The following SIN3B variants were observed in gnomAD, a reference collection of about 807,000 sequenced individuals.
SIN3B encodes the protein paired amphipathic helix protein Sin3b.
In SIN3B, 19 loss-of-function variants were observed where a neutral mutation model predicts 120.2. The observed-to-expected ratio is 0.16, with a 90% CI of 0.11 to 0.23. The LOEUF (loss-of-function observed/expected upper bound fraction) is 0.23, where lower values mean the gene tolerates loss of function less well. Among genes scored for constraint, SIN3B ranks in the 10% least tolerant of loss-of-function variants. SIN3B has a pLI of 1.00. For missense variants in SIN3B, 1,073 were observed against 1,573.0 expected (o/e 0.68, Z 5.38); for synonymous variants, 654 against 653.2 (o/e 1.00, Z -0.02).
chr19:16,873,176 C>G (rs2051534983), intron 14 of SIN3B, among the ~76,000 whole-genome samples: 1 of 152,112 alleles, frequency 6.6e-6, no homozygotes, highest in Non-Finnish European at 1.5e-5. Flanking sequence ...GGCTGGGGCC[C>G]TGTCCTTTCA....
Position 16,843,143 on chromosome 19 carries a change from G to A in SIN3B, c.582+1175G>A, listed in dbSNP as rs528990380. Among the ~76,000 whole-genome samples, 94 of 152,156 alleles carry A rather than the reference G, an allele frequency of 6.2e-4. 1 individual carries two copies. The highest frequency in any genetic ancestry group is 2.2e-3 in the African/African-American group (91 of 41,512). On this transcript the variant is annotated intron_variant, in intron 4 of 18. Coordinates refer to ENST00000248054, the MANE Select transcript of SIN3B (RefSeq NM_001297595.2). ...AACAGAATCTTGCGCTGTCACCCAG[G>A]CTGGAGTGCAGTGGCTCAATCTCAG...
Position 16,876,929 on chromosome 19 carries a change from A to C in SIN3B, c.2859+351A>C. ...GTGTCAGGGCTGCATCCTGTTCCTA[A>C]TCCCCAGCAGAGGAGCCACCTGGGC... On this transcript the variant is annotated intron_variant, in intron 16 of 18. Coordinates refer to ENST00000248054, the MANE Select transcript of SIN3B (RefSeq NM_001297595.2). The surrounding 1 kb of genome is among the most constrained non-coding windows in gnomAD (Gnocchi z 7.1). 5 of 226,418 alleles carry C rather than the reference A, an allele frequency of 2.2e-5. No homozygotes were observed. Among genetic ancestry groups the C allele is most frequent in the Non-Finnish European group, 2.6e-5 (3 of 114,988 alleles). The allele number at this position is 226,418 out of a possible 1,614,324, so 14.0% of individuals were successfully genotyped here. A position where few individuals can be genotyped will look rare whatever the true frequency, so the allele number is the denominator to read the frequency against.
In SIN3B at chr19:16,869,676, G is replaced by C. The variant is rs373630570; in HGVS notation, c.2023G>C (p.Gly675Arg). 1.9e-6 allele frequency: 3 copies of C among 1,613,570 alleles called. No individual in the cohort carries two copies. Among genetic ancestry groups the C allele is most frequent in the East Asian group, 4.5e-5 (2 of 44,880 alleles). ...CTTCTTCTCTCAGCAGCTGGACCTG[G>C]GCGCCTCCGAGGAGTCAGCTGATGA... ...SLFFSQQLDL[G>R]ASEESADEDR... Residue 675 changes from glycine to arginine, a missense_variant, in exon 13 of 19, where the codon GGC becomes CGC. Physicochemically the swap from Gly to Arg is moderately radical, Grantham distance 125 (BLOSUM62 -2). Around this residue, in one of 7 missense-constraint regions of SIN3B, gnomAD observed 169 missense variants for 207.3 expected, o/e 0.82. Transcript: ENST00000248054.
Position 16,851,601 on chromosome 19 carries a change from T to C in SIN3B, c.849+67T>C. On this transcript the variant is annotated intron_variant, in intron 6 of 18. Coordinates refer to ENST00000248054, the MANE Select transcript of SIN3B (RefSeq NM_001297595.2). ...CCCAGCAAATCGGGCCTTCCCAGCA[T>C]GTGACCAGGGAACAGAGGCCCCAGC... 3.3e-6 allele frequency: 5 copies of C among 1,505,136 alleles called. No homozygotes were observed. In the South Asian group the frequency reaches 6.7e-5, roughly 20 times the overall value. 93.2% of individuals were successfully genotyped at this position (1,505,136 alleles called of 1,614,324 possible). A position where few individuals can be genotyped will look rare whatever the true frequency, so the allele number is the denominator to read the frequency against.
intron 12 of SIN3B, among the ~76,000 whole-genome samples, chr19:16,869,157 A>AC (rs1971820702): frequency 6.6e-6 from 1 of 151,738 alleles, no homozygotes; most frequent in African/African-American, 2.4e-5. Context: ...ACGCTGTCAG[A>AC]CCCCCTGTGA....
intron 8 of SIN3B, among the ~76,000 whole-genome samples, chr19:16,861,608 C>A (rs1048341233): frequency 6.6e-6 from 1 of 152,006 alleles, no homozygotes; most frequent in African/African-American, 2.4e-5. Context: ...ACTAAACATA[C>A]AAAAATTAGC....
chr19:16,845,275 T>G (rs1192992152), intron 4 of SIN3B, among the ~76,000 whole-genome samples: 1 of 152,070 alleles, frequency 6.6e-6, no homozygotes, highest in Non-Finnish European at 1.5e-5. Flanking sequence ...CGTGTTTGAT[T>G]GTTTGTTTGT....
chr19:16,863,031 A>T, intron 9 of SIN3B: 1 of 1,350,106 alleles, frequency 7.4e-7, no homozygotes, highest in Middle Eastern at 1.8e-4. Flanking sequence ...GTTTGTAAAT[A>T]AAGTTTTACT....
chr19:16,869,217 G>A (rs1971821677), intron 12 of SIN3B, among the ~76,000 whole-genome samples: 2 of 152,094 alleles, frequency 1.3e-5, no homozygotes, highest in South Asian at 2.1e-4. Flanking sequence ...CTGGGGTCCC[G>A]GGATGACTTG....
intron 4 of SIN3B, among the ~76,000 whole-genome samples, chr19:16,844,584 C>G (rs1366265568): frequency 6.6e-6 from 1 of 152,166 alleles, no homozygotes; most frequent in African/African-American, 2.4e-5. Context: ...AAGTGGGACC[C>G]TAAAAACGAG....
chr19:16,852,991 T>C (rs1971565066), intron 6 of SIN3B, 78 bp from the exon 7 acceptor site: 1 of 1,199,190 alleles, frequency 8.3e-7, no homozygotes, highest in South Asian at 1.4e-5. Flanking sequence ...CTTAGCCTTC[T>C]TGAGACTCTG....
chr19:16,843,804 A>G (rs1212555469), intron 4 of SIN3B, among the ~76,000 whole-genome samples: 1 of 152,194 alleles, frequency 6.6e-6, no homozygotes, highest in Non-Finnish European at 1.5e-5. Context: ...GCCACCATGC[A>G]GGATTCCCAT....
intron 4 of SIN3B, among the ~76,000 whole-genome samples, chr19:16,844,492 C>G (rs1395761787): frequency 6.6e-6 from 1 of 152,170 alleles, no homozygotes; most frequent in African/African-American, 2.4e-5. Context: ...TCAGGTCACC[C>G]CTGGGTAACT....
At chr19:16,835,495 CTT>C (rs35239779) in intron 3 of SIN3B, among the ~76,000 whole-genome samples, 533 of 136,260 alleles carry the variant, frequency 3.9e-3, no homozygotes, top group South Asian at 5.2e-3. Flanking sequence ...TCCCAAAGTT[CTT>C]TTTTTTTTTT....
At chr19:16,838,307 A>T (rs935774900) in intron 3 of SIN3B, among the ~76,000 whole-genome samples, 4 of 152,208 alleles carry the variant, frequency 2.6e-5, no homozygotes, top group Non-Finnish European at 4.4e-5. Flanking sequence ...GAACATTAAC[A>T]TCACCCCAGG....
rs754801659 is a variant in SIN3B at position 16,829,748 on chromosome 19, G to T, written c.121-43G>T. The T allele has an allele frequency of 1.4e-5, 22 of 1,536,488 alleles. No homozygotes were observed. In the South Asian group the frequency reaches 1.8e-4, roughly 13 times the overall value. On this transcript the variant is annotated intron_variant, in intron 1 of 18. Transcript: ENST00000248054. ...AGGGACCCCGGCCCCTCGTCCCCTC[G>T]TTCCGCGGCCAGGGCCCACCGGGAC...
intron 2 of SIN3B, among the ~76,000 whole-genome samples, chr19:16,830,378 T>C (rs1959554927): frequency 6.6e-6 from 1 of 152,174 alleles, no homozygotes; most frequent in Admixed American, 6.5e-5. Flanking sequence ...ACGCATAAAA[T>C]GCTTAGTAAG....
At position 16,869,441 on chromosome 19, in the gene SIN3B, G is replaced by A; in HGVS notation, c.1807-19G>A. The A allele has an allele frequency of 6.3e-7, 1 of 1,589,088 alleles. No homozygotes were observed. Among genetic ancestry groups the A allele is most frequent in the Non-Finnish European group, 8.6e-7 (1 of 1,164,878 alleles). On this transcript the variant is annotated intron_variant, in intron 12 of 18. Coordinates refer to ENST00000248054, the MANE Select transcript of SIN3B (RefSeq NM_001297595.2). ...GTGCTGGGTGGCTTTCCACCTAATG[G>A]CCGCCCTTCCCCCCACAGCACCAGG...
At chr19:16,846,749 T>G (rs1971484199) in intron 4 of SIN3B, among the ~76,000 whole-genome samples, 1 of 152,170 alleles carries the variant, frequency 6.6e-6, no homozygotes, top group African/African-American at 2.4e-5. Context: ...TCGTGGACAC[T>G]GCTGGGTCCC....
Sources: allele counts gnomAD v4.1 joint callset (sites outside exome capture counted in the v4.1 genomes callset), GRCh38; gene constraint gnomAD v4.1.1; regional missense constraint gnomAD v4.1.1; non-coding constraint Gnocchi (gnomAD v3.1); transcripts MANE v1.5; gene names NCBI Gene and HGNC (gene_info 2026-07-23, HGNC 2026-07-21).